PCDHGA2: variants seen among roughly 807,000 people sequenced by gnomAD.
PCDHGA2 encodes the protein protocadherin gamma subfamily A, 2, also known as protocadherin gamma-A2.
PCDHGA2 carries 40 observed loss-of-function variants against 59.2 expected under a neutral mutation model. That is an observed-to-expected ratio of 0.68 (90% CI 0.52 to 0.88). The LOEUF (loss-of-function observed/expected upper bound fraction) is 0.88, where lower values mean the gene tolerates loss of function less well. Ranked by LOEUF, PCDHGA2 falls within the 40% of genes least tolerant of loss-of-function variation. The pLI, the probability that PCDHGA2 is intolerant of heterozygous loss-of-function variation, is 0.00. For synonymous variants in PCDHGA2, 560 were observed against 526.0 expected, an observed-to-expected ratio of 1.06 and a Z score of -0.89; for missense variants, 1,226 against 1,204.0, an observed-to-expected ratio of 1.02 and a Z score of -0.27.
chr5:141,423,749 T>TG, intron 1 of PCDHGA2: 2 of 272,262 alleles, frequency 7.3e-6, no homozygotes, highest in Non-Finnish European at 4.7e-6. Flanking sequence ...TGAAAACTGT[T>TG]TGGGGGGGGG....
rs765809429 is a variant in PCDHGA2 at position 141,511,205 on chromosome 5, C to A, written c.*32C>A. On this transcript the variant is annotated 3_prime_UTR_variant, in exon 4 of 4. Coordinates refer to ENST00000394576, the MANE Select transcript of PCDHGA2 (RefSeq NM_018915.4). ...GGCCAGGCCAAGAGCCACAGGGCGGCCTCTCCCCAACCAGCCCAGCTTCTC... is the reference window on the plus strand; with the variant it reads ...GGCCAGGCCAAGAGCCACAGGGCGGACTCTCCCCAACCAGCCCAGCTTCTC... 4.3e-6 allele frequency: 7 copies of A among 1,611,426 alleles called. No homozygotes were observed. The Admixed American group carries it at 6.7e-5, about 15-fold the overall frequency.
chr5:141,452,088 AAG>A (rs1200732162), intron 1 of PCDHGA2, among the ~76,000 whole-genome samples: 2 of 152,206 alleles, frequency 1.3e-5, no homozygotes, highest in African/African-American at 4.8e-5. Flanking sequence ...ATTATACAGT[AAG>A]AAAGAGCTTT....
intron 1 of PCDHGA2, chr5:141,372,537 C>T: frequency 1.2e-6 from 2 of 1,614,046 alleles, no homozygotes; most frequent in Non-Finnish European, 1.7e-6. Flanking sequence ...CTCCCTGCGC[C>T]TGCGATGCTC....
In PCDHGA2 at chr5:141,476,351, G is replaced by A; in HGVS notation, c.2425-18456G>A. The A allele has an allele frequency of 1.2e-6, 2 of 1,614,182 alleles. No individual in the cohort carries two copies. The highest frequency in any genetic ancestry group is 1.7e-6 in the Non-Finnish European group (2 of 1,180,046). ...TGGAGCTAGCCGAAGATTCTTTGAG[G>A]TGAACCGGGAGACCGGAGAGATGTT... On this transcript the variant is annotated intron_variant, in intron 1 of 3. Coordinates refer to ENST00000394576, the MANE Select transcript of PCDHGA2 (RefSeq NM_018915.4). This position sits in a 1 kb window ranked among gnomAD's most constrained non-coding sequence, Gnocchi z 7.6.
chr5:141,351,540 C>G, intron 1 of PCDHGA2: 1 of 1,614,024 alleles, frequency 6.2e-7, no homozygotes, highest in Non-Finnish European at 8.5e-7. Context: ...GGCAAACCAG[C>G]CCTTTCCTCC....
At chr5:141,346,983 A>G (rs931121995) in intron 1 of PCDHGA2, among the ~76,000 whole-genome samples, 12 of 151,378 alleles carry the variant, frequency 7.9e-5, no homozygotes, top group African/African-American at 2.9e-4. Flanking sequence ...GACAGGTGAC[A>G]CTCTTTTTTT....
intron 1 of PCDHGA2, chr5:141,396,643 A>C (rs1271446592): frequency 6.6e-6 from 1 of 152,180 alleles, no homozygotes; most frequent in Admixed American, 6.5e-5. Context: ...ACTAATATTA[A>C]TAGTAAAAAC....
At chr5:141,478,050 C>G (rs2099429383) in intron 1 of PCDHGA2, 2 of 1,614,184 alleles carry the variant, frequency 1.2e-6, no homozygotes, top group South Asian at 2.2e-5. Context: ...CAGACTCTCA[C>G]GGTCTTGATC....
chr5:141,501,374 T>A (rs2099808767), intron 2 of PCDHGA2, among the ~76,000 whole-genome samples: 1 of 151,106 alleles, frequency 6.6e-6, no homozygotes. Context: ...CATCATCTCT[T>A]AAATCCTAGG....
chr5:141,372,067 A>C, intron 1 of PCDHGA2: 1 of 1,613,568 alleles, frequency 6.2e-7, no homozygotes, highest in Non-Finnish European at 8.5e-7. Context: ...CGCAACGACA[A>C]TGCACCGCTG....
At chr5:141,423,148 C>G (rs2096714622) in intron 1 of PCDHGA2, 1 of 1,613,404 alleles carries the variant, frequency 6.2e-7, no homozygotes, top group African/African-American at 1.3e-5. Flanking sequence ...CGCGCTCAAG[C>G]AGAGCCTCGT....
At chr5:141,468,924 C>G (rs1434433938) in intron 1 of PCDHGA2, among the ~76,000 whole-genome samples, 1 of 150,520 alleles carries the variant, frequency 6.6e-6, no homozygotes, top group Non-Finnish European at 1.5e-5. Context: ...GAGAATAGCA[C>G]TAAAATGGGA....
chr5:141,409,341 G>C, intron 1 of PCDHGA2: 1 of 1,613,976 alleles, frequency 6.2e-7, no homozygotes, highest in Non-Finnish European at 8.5e-7. Flanking sequence ...GGAGGAAATG[G>C]AGAAGTCAGG....
rs938964469 is a variant in PCDHGA2 at position 141,485,439 on chromosome 5, C to T, written c.2425-9368C>T. On this transcript the variant is annotated intron_variant, in intron 1 of 3. Transcript: ENST00000394576. This position sits in a 1 kb window ranked among gnomAD's most constrained non-coding sequence, Gnocchi z 5.7. The stretch of plus-strand genomic sequence containing the variant: ...AGCGGAGCCCTGCTCATCAAGAACC[C>T]AATCGACCGAGAGGCACTGTGTGGG... The T allele has an allele frequency of 1.1e-5, 18 of 1,614,182 alleles. No homozygotes were observed. Among genetic ancestry groups the T allele is most frequent in the Non-Finnish European group, 1.5e-5 (18 of 1,180,036 alleles).
intron 1 of PCDHGA2, among the ~76,000 whole-genome samples, chr5:141,439,208 C>A: frequency 6.6e-6 from 1 of 151,294 alleles, no homozygotes. Flanking sequence ...AAAAAAAATC[C>A]ATATGTGAAA....
Position 141,493,022 on chromosome 5 carries a change from G to T in PCDHGA2, c.2425-1785G>T, listed in dbSNP as rs1184742888. ...GCTATAGGCTCTGCCAGATGCCAGG[G>T]TGCCCTTATGTGTGAGGAAACTACA... On this transcript the variant is annotated intron_variant, in intron 1 of 3. Transcript: ENST00000394576. The surrounding 1 kb of genome is among the most constrained non-coding windows in gnomAD (Gnocchi z 4.3). Among the ~76,000 whole-genome samples the T allele has an allele frequency of 1.3e-5, 2 of 152,222 alleles. No individual in the cohort carries two copies. Among genetic ancestry groups the T allele is most frequent in the Admixed American group, 1.3e-4 (2 of 15,282 alleles).
chr5:141,444,280 T>C (rs1217749098), intron 1 of PCDHGA2, among the ~76,000 whole-genome samples: 1 of 147,614 alleles, frequency 6.8e-6, no homozygotes, highest in East Asian at 2.1e-4. Context: ...CAAGTGATTC[T>C]CCTGCCTCAG....
intron 1 of PCDHGA2, chr5:141,365,461 A>G (rs1237743383): frequency 6.2e-7 from 1 of 1,614,022 alleles, no homozygotes; most frequent in Admixed American, 1.7e-5. Flanking sequence ...GTGATTCTGG[A>G]GAAAATGGTG....
intron 1 of PCDHGA2, chr5:141,377,280 A>G (rs1773849718): frequency 6.6e-6 from 1 of 151,152 alleles, no homozygotes; most frequent in Non-Finnish European, 1.5e-5. Context: ...GGGAAAAAAA[A>G]TAACCTTAAT....
Sources: allele counts gnomAD v4.1 joint callset (sites outside exome capture counted in the v4.1 genomes callset), GRCh38; gene constraint gnomAD v4.1.1; non-coding constraint Gnocchi (gnomAD v3.1); transcripts MANE v1.5; gene names NCBI Gene and HGNC (gene_info 2026-07-23, HGNC 2026-07-21).